Variants in CCDC7 observed in about 807,000 individuals in gnomAD.
CCDC7 encodes coiled-coil domain-containing protein 7.
A neutral mutation model predicts 196.9 loss-of-function variants in CCDC7; 183 were observed. The observed-to-expected ratio is 0.93, with a 90% CI of 0.82 to 1.05. The LOEUF (loss-of-function observed/expected upper bound fraction) is 1.05, where lower values mean the gene tolerates loss of function less well. Among genes scored for constraint, CCDC7 ranks in the 50% least tolerant of loss-of-function variants. The probability of loss-of-function intolerance (pLI) is 0.00; values close to 1 mark genes in which losing one functional copy is unlikely to be tolerated. For missense variants in CCDC7, 1,540 were observed against 1,482.2 expected (o/e 1.04, Z -0.64); for synonymous variants, 525 against 484.6 (o/e 1.08, Z -1.10).
chr10:32,752,178 T>C (rs1039297657), intron 28 of CCDC7, among the ~76,000 whole-genome samples: 4 of 152,120 alleles, frequency 2.6e-5, no homozygotes, highest in Non-Finnish European at 4.4e-5. Flanking sequence ...CTCTTGGTAC[T>C]TAAGTCCATG....
intron 9 of CCDC7, chr10:32,514,296 G>T (rs2046694995): frequency 6.6e-6 from 1 of 152,188 alleles, no homozygotes; most frequent in African/African-American, 2.4e-5. Flanking sequence ...TATTAGTTGA[G>T]ATGAGGTCAT....
chr10:32,532,558 G>A (rs946453196), intron 11 of CCDC7, among the ~76,000 whole-genome samples: 8 of 152,104 alleles, frequency 5.3e-5, no homozygotes, highest in African/African-American at 1.9e-4. Context: ...ATTACATTTT[G>A]TGTGTTGTTT....
At chr10:32,713,250 G>A (rs1167861567) in intron 25 of CCDC7, among the ~76,000 whole-genome samples, 1 of 152,240 alleles carries the variant, frequency 6.6e-6, no homozygotes, top group African/African-American at 2.4e-5. Context: ...TTAAAAACTA[G>A]AAAGAATTAT....
chr10:32,775,161 CT>C (rs1436863767), intron 28 of CCDC7, among the ~76,000 whole-genome samples: 1 of 152,112 alleles, frequency 6.6e-6, no homozygotes, highest in African/African-American at 2.4e-5. Context: ...TTAGGCATGC[CT>C]TTCAGTGATG....
intron 24 of CCDC7, among the ~76,000 whole-genome samples, chr10:32,696,626 G>A (rs1214597401): frequency 6.6e-6 from 1 of 152,098 alleles, no homozygotes; most frequent in East Asian, 1.9e-4. Context: ...CTGCCATTGA[G>A]CCCAAAATGG....
intron 20 of CCDC7, among the ~76,000 whole-genome samples, chr10:32,658,657 C>A (rs2070520005): frequency 1.3e-5 from 2 of 152,096 alleles, no homozygotes; most frequent in Non-Finnish European, 2.9e-5. Flanking sequence ...TATATATACA[C>A]AACGAAATAT....
At chr10:32,651,504 A>T (rs957469828) in intron 20 of CCDC7, among the ~76,000 whole-genome samples, 6 of 152,296 alleles carry the variant, frequency 3.9e-5, no homozygotes, top group African/African-American at 9.6e-5. Context: ...AAGGAAAGAA[A>T]CATGAAAAAT....
chr10:32,490,348 C>T (rs1009959383), intron 8 of CCDC7, among the ~76,000 whole-genome samples: 2 of 152,010 alleles, frequency 1.3e-5, no homozygotes, highest in Non-Finnish European at 2.9e-5. Flanking sequence ...TTTTTTTCCC[C>T]CAGGAATGTT....
chr10:32,882,799 C>G (rs1298482976), exon 23 of CCDC7: 2 of 152,092 alleles, frequency 1.3e-5, no homozygotes, highest in East Asian at 1.9e-4. Flanking sequence ...TACTTCTATT[C>G]GCCAGTGTCC....
intron 9 of CCDC7, chr10:32,514,012 G>C (rs567568280): frequency 1.3e-5 from 2 of 152,296 alleles, no homozygotes; most frequent in East Asian, 3.9e-4. Flanking sequence ...GGAAATAAAA[G>C]TGTCTGCATT....
rs570764296 is a variant in CCDC7 at position 32,726,708 on chromosome 10, A to G, written c.2570-26A>G. ...TTTTTTCATTTAGCGGACTAAATGT[A>G]TCTCTTTATGTGGTTCATTTTGTAG... On this transcript the variant is annotated intron_variant, in intron 25 of 41. Transcript: ENST00000639629. 10 of 1,334,602 alleles carry G rather than the reference A, an allele frequency of 7.5e-6. No homozygotes were observed. The African/African-American group carries it at 1.2e-4, about 16-fold the overall frequency. 82.7% of individuals were successfully genotyped at this position (1,334,602 alleles called of 1,614,324 possible).
Position 32,544,396 on chromosome 10 carries a change from G to T in CCDC7, c.1134+95G>T, listed in dbSNP as rs1282668237. 6.3e-6 allele frequency: 8 copies of T among 1,276,200 alleles called. No homozygotes were observed. In the Admixed American group the frequency reaches 1.1e-4, roughly 18 times the overall value. The allele number at this position is 1,276,200 out of a possible 1,614,324, so 79.1% of individuals were successfully genotyped here. A position where few individuals can be genotyped will look rare whatever the true frequency, so the allele number is the denominator to read the frequency against. ...ACATTATTACGTATGTGATTATAGG[G>T]TATATATGTCTGTGTGTGTGTATGT... On this transcript the variant is annotated intron_variant, in intron 13 of 41. Coordinates refer to ENST00000639629, the Ensembl canonical transcript of CCDC7.
At chr10:32,865,861 A>G (rs987060860) in intron 41 of CCDC7, among the ~76,000 whole-genome samples, 1 of 151,798 alleles carries the variant, frequency 6.6e-6, no homozygotes, top group Admixed American at 6.6e-5. Flanking sequence ...AACAGCCACC[A>G]TGTTTTCCCA....
chr10:32,573,564 T>G (rs957754408), intron 16 of CCDC7, among the ~76,000 whole-genome samples: 22 of 152,180 alleles, frequency 1.4e-4, no homozygotes, highest in Non-Finnish European at 4.4e-5. Flanking sequence ...GCAGCCCTCA[T>G]TCTACTTTTC....
intron 25 of CCDC7, among the ~76,000 whole-genome samples, chr10:32,723,271 C>T (rs1399547008): frequency 2.0e-5 from 3 of 152,114 alleles, no homozygotes; most frequent in African/African-American, 7.2e-5. Flanking sequence ...TTTCTGCCAG[C>T]CAGTTGTTGC....
At chr10:32,485,229 C>T (rs536472268) in intron 8 of CCDC7, among the ~76,000 whole-genome samples, 14 of 149,976 alleles carry the variant, frequency 9.3e-5, no homozygotes, top group South Asian at 6.3e-4. Flanking sequence ...AGTCTTGGGA[C>T]GGTGTGTCGA....
chr10:32,709,092 C>T (rs1449010403), intron 24 of CCDC7, among the ~76,000 whole-genome samples: 1 of 152,038 alleles, frequency 6.6e-6, no homozygotes, highest in African/African-American at 2.4e-5. Context: ...CAGTGATAGA[C>T]TGGATTAAGA....
At chr10:32,776,373 T>A (rs928468211) in intron 28 of CCDC7, among the ~76,000 whole-genome samples, 6 of 152,234 alleles carry the variant, frequency 3.9e-5, no homozygotes, top group Non-Finnish European at 8.8e-5. Flanking sequence ...ATAATGGTTT[T>A]TTTTTTAATA....
chr10:32,595,333 C>T (rs937535727), intron 18 of CCDC7, among the ~76,000 whole-genome samples: 21 of 152,132 alleles, frequency 1.4e-4, no homozygotes, highest in Admixed American at 5.9e-4. Context: ...AGTTTATTTG[C>T]GTAGAGATGT....
Sources: gnomAD v4.1 joint callset for allele counts (sites outside exome capture counted in the v4.1 genomes callset) on GRCh38, gnomAD v4.1.1 for gene constraint, MANE v1.5 for transcripts, NCBI Gene and HGNC (gene_info 2026-07-23, HGNC 2026-07-21) for gene names.